The following ISX variants were observed in gnomAD, a reference collection of about 807,000 sequenced individuals.
The protein encoded by ISX is intestine-specific homeobox.
ISX carries 15 observed loss-of-function variants against 16.9 expected under a neutral mutation model. The ratio of observed to expected loss-of-function variants is 0.89; its 90% CI spans 0.59 to 1.36. The LOEUF (loss-of-function observed/expected upper bound fraction) is 1.36, where lower values mean the gene tolerates loss of function less well. Among genes scored for constraint, ISX ranks in the 40% most tolerant of loss-of-function variants. The pLI, the probability that ISX is intolerant of heterozygous loss-of-function variation, is 0.00. For missense variants in ISX, 316 were observed against 306.1 expected, an observed-to-expected ratio of 1.03 and a Z score of -0.24; for synonymous variants, 125 against 119.7, an observed-to-expected ratio of 1.04 and a Z score of -0.29.
chr22:35,069,977 C>T (rs1179231151), intron 2 of ISX, among the ~76,000 whole-genome samples: 6 of 152,212 alleles, frequency 3.9e-5, no homozygotes, highest in Admixed American at 3.9e-4. Context: ...CAGGAATCTG[C>T]ATTCTAACAA....
At position 35,084,833 on chromosome 22, in the gene ISX, G is replaced by C. The variant is rs556785968; in HGVS notation, c.498+334G>C. ...CGGGCTCTGGAGTCAGACTGCCTGA[G>C]TTCGAATCCCAGCTCTGAATTGCCT... On this transcript the variant is annotated intron_variant, in intron 4 of 4. Coordinates refer to ENST00000404699, the MANE Select transcript of ISX (RefSeq NM_001303508.2). Among the ~76,000 whole-genome samples, 20 of 152,320 alleles carry C rather than the reference G, an allele frequency of 1.3e-4. 1 individual carries two copies. The South Asian group carries it at 3.5e-3, about 27-fold the overall frequency.
At chr22:35,072,962 C>T (rs1285593278) in intron 2 of ISX, among the ~76,000 whole-genome samples, 1 of 152,120 alleles carries the variant, frequency 6.6e-6, no homozygotes, top group Non-Finnish European at 1.5e-5. Flanking sequence ...CGGTGGTTCA[C>T]TTGCATGGCT....
intron 2 of ISX, among the ~76,000 whole-genome samples, chr22:35,073,945 T>A (rs989380553): frequency 9.9e-5 from 15 of 152,252 alleles, no homozygotes; most frequent in African/African-American, 3.6e-4. Flanking sequence ...TGACAAAAAT[T>A]ATCTTAGGCC....
chr22:35,074,425 C>T (rs1928930431), intron 2 of ISX, among the ~76,000 whole-genome samples: 1 of 152,194 alleles, frequency 6.6e-6, no homozygotes, highest in African/African-American at 2.4e-5. Context: ...ACCCTTAGAA[C>T]TCTTTGTACA....
At chr22:35,073,850 T>C (rs1378144272) in intron 2 of ISX, among the ~76,000 whole-genome samples, 1 of 152,228 alleles carries the variant, frequency 6.6e-6, no homozygotes, top group Non-Finnish European at 1.5e-5. Flanking sequence ...TGCTTTGTAT[T>C]CCTAGGGGAA....
chr22:35,073,485 C>T (rs749125108), intron 2 of ISX, among the ~76,000 whole-genome samples: 2 of 152,150 alleles, frequency 1.3e-5, no homozygotes, highest in Admixed American at 6.5e-5. Flanking sequence ...CTAGGAGAAT[C>T]TAATGCTGCC....
intron 2 of ISX, among the ~76,000 whole-genome samples, chr22:35,078,590 A>C (rs1025868869): frequency 2.6e-5 from 4 of 152,176 alleles, no homozygotes; most frequent in African/African-American, 9.7e-5. Flanking sequence ...TCTAGTGGGG[A>C]GTAATGTTCA....
At chr22:35,080,331 A>G (rs1327491579) in intron 2 of ISX, among the ~76,000 whole-genome samples, 4 of 152,192 alleles carry the variant, frequency 2.6e-5, no homozygotes, top group Non-Finnish European at 5.9e-5. Context: ...CTCCAAACTT[A>G]TCAATGCATC....
intron 2 of ISX, among the ~76,000 whole-genome samples, chr22:35,082,280 C>A (rs571470995): frequency 1.3e-5 from 2 of 152,330 alleles, no homozygotes; most frequent in Admixed American, 1.3e-4. Flanking sequence ...CAGAAAGGCA[C>A]AATCAGAGAA....
chr22:35,081,754 T>G (rs5755571), intron 2 of ISX, among the ~76,000 whole-genome samples: 5,159 of 152,278 alleles, frequency 0.034, 176 homozygotes, highest in East Asian at 0.086. Context: ...TCTCACCCTG[T>G]GAGTATGCTT....
Position 35,085,993 on chromosome 22 carries a change from C to G in ISX, c.*300C>G. 2 of 437,934 alleles carry G rather than the reference C, an allele frequency of 4.6e-6. No homozygotes were observed. The highest frequency in any genetic ancestry group is 8.5e-6 in the Non-Finnish European group (2 of 235,858). The allele number at this position is 437,934 out of a possible 1,614,324, so 27.1% of individuals were successfully genotyped here. On this transcript the variant is annotated 3_prime_UTR_variant, in exon 5 of 5. Coordinates refer to ENST00000404699, the MANE Select transcript of ISX (RefSeq NM_001303508.2). ...TAATCCTCCAGCACCTGTGTTTCCT[C>G]TAACTTGCTGTGTGACCTCCAGCCG... is the stretch of plus-strand genomic sequence containing the variant.
intron 2 of ISX, among the ~76,000 whole-genome samples, chr22:35,081,945 A>G (rs1054337665): frequency 6.6e-6 from 1 of 152,266 alleles, no homozygotes; most frequent in Non-Finnish European, 1.5e-5. Context: ...GAGGCTGGAC[A>G]GGTGAGTTGG....
At chr22:35,080,037 T>A (rs13054562) in intron 2 of ISX, among the ~76,000 whole-genome samples, 1 of 152,264 alleles carries the variant, frequency 6.6e-6, no homozygotes, top group Admixed American at 6.5e-5. Flanking sequence ...CACTTTTCTG[T>A]CCTTATCATA....
chr22:35,084,184 C>T (rs951514430), intron 3 of ISX, among the ~76,000 whole-genome samples, 199 bp from the exon 4 acceptor site: 9 of 152,238 alleles, frequency 5.9e-5, no homozygotes, highest in African/African-American at 2.2e-4. Context: ...GCCCCCTGGC[C>T]CTGTAGGCAT....
At chr22:35,078,337 A>G (rs1380828199) in intron 2 of ISX, among the ~76,000 whole-genome samples, 2 of 152,184 alleles carry the variant, frequency 1.3e-5, no homozygotes, top group Admixed American at 1.3e-4. Context: ...TGCTGGTTAC[A>G]GAGATGACAT....
chr22:35,066,971 G>T lies in ISX; in HGVS notation c.-117G>T, dbSNP rs551527296. 60 of 670,986 alleles carry T rather than the reference G, an allele frequency of 8.9e-5. No homozygotes were observed. Among genetic ancestry groups the T allele is most frequent in the Non-Finnish European group, 1.5e-4 (58 of 390,772 alleles). 41.6% of individuals were successfully genotyped at this position (670,986 alleles called of 1,614,324 possible). Reference sequence around the variant, plus strand: ...TCCTGTTTGGATCATCTAACTGGAGGCTCTCTGTTCTTCACCTCCACGCGC... The same window carrying T: ...TCCTGTTTGGATCATCTAACTGGAGTCTCTCTGTTCTTCACCTCCACGCGC... On this transcript the variant is annotated 5_prime_UTR_variant, in exon 2 of 5. Transcript: ENST00000404699.
intron 2 of ISX, among the ~76,000 whole-genome samples, chr22:35,071,848 C>T (rs1928862084): frequency 6.6e-6 from 1 of 152,128 alleles, no homozygotes; most frequent in Non-Finnish European, 1.5e-5. Flanking sequence ...TTCTCCTCTC[C>T]TCCTCCCTCA....
intron 2 of ISX, among the ~76,000 whole-genome samples, chr22:35,069,619 G>A (rs968496007): frequency 2.0e-5 from 3 of 152,162 alleles, no homozygotes; most frequent in African/African-American, 7.2e-5. Flanking sequence ...CATGATCCCA[G>A]GCAGGGCAGG....
At chr22:35,082,952 C>T (rs1328370069) in intron 3 of ISX, among the ~76,000 whole-genome samples, 1 of 152,200 alleles carries the variant, frequency 6.6e-6, no homozygotes, top group Non-Finnish European at 1.5e-5. Context: ...AGTTCCCAAA[C>T]GTCGTTCACA....
Sources: allele counts gnomAD v4.1 joint callset (sites outside exome capture counted in the v4.1 genomes callset), GRCh38; gene constraint gnomAD v4.1.1; transcripts MANE v1.5; gene names NCBI Gene and HGNC (gene_info 2026-07-23, HGNC 2026-07-21).